KHDC1: variants seen among roughly 807,000 people sequenced by gnomAD.
KHDC1 encodes KH domain containing 1, also known as KH homology domain-containing protein 1.
In KHDC1, 21 loss-of-function variants were observed where a neutral mutation model predicts 24.7. The observed-to-expected ratio is 0.85, with a 90% CI of 0.60 to 1.23. The LOEUF (loss-of-function observed/expected upper bound fraction) is 1.23. KHDC1 is among the 50% of genes most tolerant of loss of function. The pLI, the probability that KHDC1 is intolerant of heterozygous loss-of-function variation, is 0.00. For synonymous variants in KHDC1, 98 were observed against 111.7 expected (o/e 0.88, Z 0.77); for missense variants, 274 against 298.5 (o/e 0.92, Z 0.61).
intron 2 of KHDC1, among the ~76,000 whole-genome samples, chr6:73,261,740 C>T (rs1411183690): frequency 2.6e-5 from 4 of 151,968 alleles, no homozygotes; most frequent in South Asian, 4.2e-4. Context: ...GGTGAAACCC[C>T]GTCTCTGCTA....
chr6:73,256,254 C>T (rs1002304893), intron 2 of KHDC1, among the ~76,000 whole-genome samples: 1 of 152,166 alleles, frequency 6.6e-6, no homozygotes, highest in Non-Finnish European at 1.5e-5. Flanking sequence ...TCGGCAGGTG[C>T]TGTGCTAGGC....
chr6:73,269,343 G>GCT (rs1767140714), intron 2 of KHDC1: 1 of 153,330 alleles, frequency 6.5e-6, no homozygotes, highest in Non-Finnish European at 1.5e-5. Flanking sequence ...GGGCCGAAGG[G>GCT]CTCCTCAAGT....
intron 2 of KHDC1, among the ~76,000 whole-genome samples, chr6:73,264,119 A>T (rs1467650469): frequency 6.6e-6 from 1 of 152,130 alleles, no homozygotes; most frequent in Non-Finnish European, 1.5e-5. Flanking sequence ...GGATTGCTTG[A>T]GCCCGAGAGT....
chr6:73,255,387 T>C (rs1321365079), intron 2 of KHDC1, among the ~76,000 whole-genome samples: 1 of 150,704 alleles, frequency 6.6e-6, no homozygotes, highest in Non-Finnish European at 1.5e-5. Context: ...CCCAGATAAT[T>C]TTTGCATTTT....
chr6:73,244,173 T>A (rs572410801), intron 2 of KHDC1, among the ~76,000 whole-genome samples: 20 of 152,278 alleles, frequency 1.3e-4, no homozygotes, highest in Middle Eastern at 6.8e-3. Flanking sequence ...TAAAACTCAC[T>A]CCATATTACG....
chr6:73,291,436 T>C (rs914078377), intron 2 of KHDC1: 12 of 175,600 alleles, frequency 6.8e-5, no homozygotes, highest in Admixed American at 3.4e-4. Context: ...AGTTGGAACA[T>C]GTAATGTTAA....
intron 2 of KHDC1, among the ~76,000 whole-genome samples, chr6:73,252,576 A>G (rs1766800178): frequency 6.6e-6 from 1 of 151,914 alleles, no homozygotes; most frequent in African/African-American, 2.4e-5. Context: ...TTGGGAGGCC[A>G]AGGCAGGCGG....
At chr6:73,250,252 A>T (rs2150555817) in intron 2 of KHDC1, among the ~76,000 whole-genome samples, 1 of 152,304 alleles carries the variant, frequency 6.6e-6, no homozygotes, top group East Asian at 1.9e-4. Context: ...ATTTAATTCC[A>T]GGTGATTAGT....
chr6:73,243,750 G>A (rs1582548751), intron 2 of KHDC1, among the ~76,000 whole-genome samples: 2 of 152,218 alleles, frequency 1.3e-5, no homozygotes, highest in African/African-American at 4.8e-5. Context: ...TTCTGCCTGA[G>A]CAGTAATGTT....
At chr6:73,291,365 T>C in intron 2 of KHDC1, 1 of 200,914 alleles carries the variant, frequency 5.0e-6, no homozygotes, top group Non-Finnish European at 1.0e-5. Context: ...GTGGCAATGT[T>C]TAAGTAACAT....
chr6:73,296,581 CTG>C (rs1767764374), intron 1 of KHDC1, among the ~76,000 whole-genome samples: 1 of 152,072 alleles, frequency 6.6e-6, no homozygotes, highest in Non-Finnish European at 1.5e-5. Context: ...GTTGCAAAAA[CTG>C]ATTTTATTAT....
chr6:73,282,288 G>A (rs2150679754), intron 2 of KHDC1, among the ~76,000 whole-genome samples: 1 of 151,804 alleles, frequency 6.6e-6, no homozygotes, highest in Non-Finnish European at 1.5e-5. Flanking sequence ...TGGGATTAGG[G>A]GTTTTGAGGA....
chr6:73,263,126 G>C (rs1313432784), intron 2 of KHDC1: 2 of 996,328 alleles, frequency 2.0e-6, no homozygotes, highest in African/African-American at 3.5e-5. Flanking sequence ...GTACCTCCTG[G>C]GCCGCGCACC....
intron 1 of KHDC1, among the ~76,000 whole-genome samples, chr6:73,295,158 A>C (rs916054453): frequency 6.6e-6 from 1 of 151,964 alleles, no homozygotes; most frequent in Non-Finnish European, 1.5e-5. Flanking sequence ...GTCTCAAAAC[A>C]ACCACAATAA....
At chr6:73,251,210 G>A (rs939352878) in intron 2 of KHDC1, among the ~76,000 whole-genome samples, 5 of 152,196 alleles carry the variant, frequency 3.3e-5, no homozygotes, top group African/African-American at 1.2e-4. Context: ...ACTTTATCAT[G>A]TAGCGAAAAA....
intron 2 of KHDC1, among the ~76,000 whole-genome samples, chr6:73,251,993 G>A (rs767508376): frequency 1.3e-5 from 2 of 150,764 alleles, no homozygotes; most frequent in Non-Finnish European, 2.9e-5. Flanking sequence ...AGAGTAGAGG[G>A]GTTATAGGCG....
intron 2 of KHDC1, among the ~76,000 whole-genome samples, chr6:73,279,842 C>G (rs1222191351): frequency 6.6e-6 from 1 of 152,136 alleles, no homozygotes; most frequent in African/African-American, 2.4e-5. Flanking sequence ...TCCCAAAGTG[C>G]CAGGATTACA....
At chr6:73,270,698 T>C (rs754325331) in intron 2 of KHDC1, among the ~76,000 whole-genome samples, 8 of 151,946 alleles carry the variant, frequency 5.3e-5, no homozygotes, top group Non-Finnish European at 8.8e-5. Flanking sequence ...TTTTTCTTTT[T>C]TTTTTTTCTG....
intron 2 of KHDC1, among the ~76,000 whole-genome samples, chr6:73,289,050 T>C (rs534128648): frequency 2.4e-4 from 37 of 152,002 alleles, no homozygotes; most frequent in Admixed American, 1.9e-3. Flanking sequence ...GAATAAAATC[T>C]AGGTCAGTCA....
Sources: allele counts gnomAD v4.1 joint callset (sites outside exome capture counted in the v4.1 genomes callset), GRCh38; gene constraint gnomAD v4.1.1; transcripts MANE v1.5; gene names NCBI Gene and HGNC (gene_info 2026-07-23, HGNC 2026-07-21).